The following PCNX2 variants were observed in gnomAD, a reference collection of about 807,000 sequenced individuals.
PCNX2 encodes the protein pecanex-like protein 2.
Under a neutral mutation model 223.8 loss-of-function variants are expected in PCNX2, and 168 were observed. The ratio of observed to expected loss-of-function variants is 0.75; its 90% CI spans 0.66 to 0.85. The LOEUF is 0.85. Among genes scored for constraint, PCNX2 ranks in the 40% least tolerant of loss-of-function variants. The pLI, the probability that PCNX2 is intolerant of heterozygous loss-of-function variation, is 0.00. For synonymous variants in PCNX2, 1,006 were observed against 1,052.6 expected, an observed-to-expected ratio of 0.96 and a Z score of 0.86; for missense variants, 2,507 against 2,675.5, an observed-to-expected ratio of 0.94 and a Z score of 1.39.
intron 23 of PCNX2, 25 bp downstream of exon 23, chr1:233,090,036 T>C (rs1419192518): frequency 1.2e-6 from 2 of 1,613,114 alleles, no homozygotes; most frequent in East Asian, 2.2e-5. Context: ...AGAAAAGCAA[T>C]TGAGCACTGA....
chr1:233,282,850 A>C (rs1041616266), intron 1 of PCNX2, among the ~76,000 whole-genome samples: 3 of 152,216 alleles, frequency 2.0e-5, no homozygotes, highest in Admixed American at 2.0e-4. Context: ...TAAATTATTA[A>C]ATCAGCAAGG....
intron 21 of PCNX2, among the ~76,000 whole-genome samples, chr1:233,120,987 A>G (rs1157157629): frequency 1.3e-5 from 2 of 152,104 alleles, no homozygotes; most frequent in African/African-American, 4.8e-5. Flanking sequence ...GCTGCCCTAT[A>G]TGAAGTCAAT....
chr1:233,001,735 GAGC>G lies in PCNX2; in HGVS notation c.4953-57_4953-55del. 1 of 1,406,090 alleles carries G rather than the reference GAGC, an allele frequency of 7.1e-7. No homozygotes were observed. The highest frequency in any genetic ancestry group is 9.4e-7 in the Non-Finnish European group (1 of 1,062,820). 87.1% of individuals were successfully genotyped at this position (1,406,090 alleles called of 1,614,324 possible). ...ACAAATTTCAGAATCCTGTCATTGTGAGCAAAGTTTGAGTCTCCCATTTGTCTA... is the reference window on the plus strand; with the variant it reads ...ACAAATTTCAGAATCCTGTCATTGTGAAAGTTTGAGTCTCCCATTTGTCTA... On this transcript the variant is annotated intron_variant, in intron 28 of 33. Coordinates refer to ENST00000258229, the MANE Select transcript of PCNX2 (RefSeq NM_014801.4). The surrounding 1 kb of genome is among the most constrained non-coding windows in gnomAD (Gnocchi z 4.2).
the PCNX2 span, among the ~76,000 whole-genome samples, chr1:233,326,164 T>A: frequency 6.6e-6 from 1 of 152,250 alleles, no homozygotes; most frequent in African/African-American, 2.4e-5. Flanking sequence ...GCACACTTTA[T>A]ACGCTACAGT....
intron 21 of PCNX2, among the ~76,000 whole-genome samples, chr1:233,104,914 T>C (rs925236416): frequency 6.6e-6 from 1 of 152,056 alleles, no homozygotes; most frequent in African/African-American, 2.4e-5. Context: ...GAAATAACAG[T>C]TAAGAATAAA....
At chr1:233,045,668 T>G (rs7548281) in intron 25 of PCNX2, among the ~76,000 whole-genome samples, 16,656 of 152,250 alleles carry the variant, frequency 0.11, 1,205 homozygotes, top group African/African-American at 0.21. Context: ...TTGGCTTTGT[T>G]AATCTGTTAA....
intron 19 of PCNX2, among the ~76,000 whole-genome samples, chr1:233,153,566 G>A (rs1677945967): frequency 6.6e-6 from 1 of 152,168 alleles, no homozygotes; most frequent in Non-Finnish European, 1.5e-5. Flanking sequence ...ACTATATTAG[G>A]AGAAGGAGGA....
intron 21 of PCNX2, among the ~76,000 whole-genome samples, chr1:233,099,569 T>A (rs1314324476): frequency 2.6e-5 from 4 of 152,238 alleles, no homozygotes; most frequent in Non-Finnish European, 5.9e-5. Context: ...ATGTATTTTA[T>A]TCTTACAGTG....
At position 233,000,018 on chromosome 1, in the gene PCNX2, C is replaced by T. The variant is rs1419349029; in HGVS notation, c.5328+287G>A. Among the ~76,000 whole-genome samples the T allele has an allele frequency of 2.6e-5, 4 of 152,234 alleles. No individual in the cohort carries two copies. Among genetic ancestry groups the T allele is most frequent in the African/African-American group, 9.6e-5 (4 of 41,464 alleles). ...AAAGTCTTTACAAATAAGCTATATC[C>T]TGACTCTCACTTACATGTGTGTCTA... is the stretch of plus-strand genomic sequence containing the variant. On this transcript the variant is annotated intron_variant, in intron 30 of 33. Transcript: ENST00000258229. This position sits in a 1 kb window ranked among gnomAD's most constrained non-coding sequence, Gnocchi z 4.6.
At chr1:233,002,064 C>G (rs1670109069) in intron 28 of PCNX2, among the ~76,000 whole-genome samples, 2 of 152,182 alleles carry the variant, frequency 1.3e-5, no homozygotes, top group African/African-American at 4.8e-5. Context: ...GACGATGATG[C>G]TAACCGTGGA....
intron 1 of PCNX2, among the ~76,000 whole-genome samples, chr1:233,271,487 A>G (rs1291061270): frequency 6.6e-6 from 1 of 152,194 alleles, no homozygotes; most frequent in Non-Finnish European, 1.5e-5. Context: ...GATATAGAAA[A>G]TGACGAGTGT....
intron 19 of PCNX2, among the ~76,000 whole-genome samples, chr1:233,140,725 A>C (rs1240108250): frequency 6.6e-6 from 1 of 152,176 alleles, no homozygotes; most frequent in East Asian, 1.9e-4. Flanking sequence ...CTTAGGTCAC[A>C]TTCAGCGGTG....
At chr1:233,263,232 G>A (rs1660154196) in intron 1 of PCNX2, 69 bp from the exon 2 acceptor site, 1 of 1,327,608 alleles carries the variant, frequency 7.5e-7, no homozygotes, top group South Asian at 1.5e-5. Context: ...AAATCTGGAA[G>A]CATTTTTAGA....
chr1:233,149,888 T>TTA (rs10636256), intron 19 of PCNX2, among the ~76,000 whole-genome samples: 1 of 149,664 alleles, frequency 6.7e-6, no homozygotes. Flanking sequence ...AAGCCTCAAT[T>TTA]TATATATATA....
At chr1:233,184,568 C>G (rs1191057088) in intron 15 of PCNX2, among the ~76,000 whole-genome samples, 1 of 152,166 alleles carries the variant, frequency 6.6e-6, no homozygotes, top group African/African-American at 2.4e-5. Flanking sequence ...TAAATCTCCT[C>G]TCATTTTCTC....
the PCNX2 span, among the ~76,000 whole-genome samples, chr1:233,322,188 T>G: frequency 6.6e-6 from 1 of 152,158 alleles, no homozygotes; most frequent in Non-Finnish European, 1.5e-5. Context: ...TTAAACTCTT[T>G]CCTTTTCTCA....
intron 22 of PCNX2, among the ~76,000 whole-genome samples, chr1:233,091,162 C>T (rs1673851491): frequency 6.6e-6 from 1 of 152,130 alleles, no homozygotes; most frequent in Admixed American, 6.6e-5. Flanking sequence ...CGTATAATAT[C>T]GACATCCTTC....
chr1:233,133,909 G>A (rs115381742), intron 21 of PCNX2, among the ~76,000 whole-genome samples: 2,682 of 151,544 alleles, frequency 0.018, 31 homozygotes, highest in East Asian at 0.051. Flanking sequence ...ACGTGCAATG[G>A]TGGGGTGGTG....
At chr1:233,136,356 TA>T (rs1313637412) in intron 20 of PCNX2, among the ~76,000 whole-genome samples, 1 of 152,184 alleles carries the variant, frequency 6.6e-6, no homozygotes, top group Non-Finnish European at 1.5e-5. Flanking sequence ...ATGAATATCT[TA>T]TCCCAGAATG....
Sources: gnomAD v4.1 joint callset for allele counts (sites outside exome capture counted in the v4.1 genomes callset) on GRCh38, gnomAD v4.1.1 for gene constraint, Gnocchi (gnomAD v3.1) non-coding constraint, MANE v1.5 for transcripts, NCBI Gene and HGNC (gene_info 2026-07-23, HGNC 2026-07-21) for gene names.